CPXM2: variants seen among roughly 807,000 people sequenced by gnomAD.
CPXM2 encodes carboxypeptidase X, M14 family member 2.
CPXM2 carries 66 observed loss-of-function variants against 86.1 expected under a neutral mutation model. The ratio of observed to expected loss-of-function variants is 0.77; its 90% CI spans 0.63 to 0.94. The LOEUF (loss-of-function observed/expected upper bound fraction) is 0.94. Ranked by LOEUF, CPXM2 falls within the 40% of genes least tolerant of loss-of-function variation. The pLI is 0.00. For missense variants in CPXM2, 948 were observed against 1,026.3 expected (o/e 0.92, Z 1.04); for synonymous variants, 388 against 400.2 (o/e 0.97, Z 0.36).
At chr10:123,913,929 A>G (rs566817663) in intron 2 of CPXM2, 1 of 455,882 alleles carries the variant, frequency 2.2e-6, no homozygotes, top group African/African-American at 2.0e-5. Flanking sequence ...TATGCAATAC[A>G]TAATTCCCAG....
At chr10:123,898,231 T>C (rs1334758918) in intron 2 of CPXM2, among the ~76,000 whole-genome samples, 1 of 152,034 alleles carries the variant, frequency 6.6e-6, no homozygotes, top group Non-Finnish European at 1.5e-5. Context: ...GACACAAAAA[T>C]AGAGAACCTG....
chr10:123,754,415 T>G lies in CPXM2; in HGVS notation c.2017+248A>C, dbSNP rs1322754863. 6.6e-6 allele frequency among the ~76,000 whole-genome samples: 1 copy of G among 152,214 alleles called. No individual in the cohort carries two copies. The highest frequency in any genetic ancestry group is 2.4e-5 in the African/African-American group (1 of 41,450). On this transcript the variant is annotated intron_variant, in intron 13 of 13. Coordinates refer to ENST00000241305, the MANE Select transcript of CPXM2 (RefSeq NM_198148.3). This position sits in a 1 kb window ranked among gnomAD's most constrained non-coding sequence, Gnocchi z 4.0. ...TCCTCAACTCCTTAGAAACTTCCAC[T>G]GTGCCTGGAGGCCAGCTGGTGGCTG...
intron 7 of CPXM2, among the ~76,000 whole-genome samples, chr10:123,779,535 T>G (rs1040238782): frequency 6.6e-6 from 1 of 152,250 alleles, no homozygotes; most frequent in African/African-American, 2.4e-5. Context: ...TTTAAAAATC[T>G]GGATCCCCAG....
intron 2 of CPXM2, among the ~76,000 whole-genome samples, chr10:123,922,429 G>A: frequency 6.6e-6 from 1 of 152,102 alleles, no homozygotes; most frequent in Admixed American, 6.5e-5. Flanking sequence ...ATGCAATTTT[G>A]CCCTTCTAAA....
At chr10:123,806,665 T>C (rs898575545) in intron 4 of CPXM2, among the ~76,000 whole-genome samples, 1 of 152,112 alleles carries the variant, frequency 6.6e-6, no homozygotes, top group African/African-American at 2.4e-5. Context: ...CAGTTCTGCA[T>C]GGCTGGGGAG....
Position 123,934,762 on chromosome 10 carries a change from G to A in CPXM2, n.174+4715C>T, listed in dbSNP as rs112032012. 5.0e-3 allele frequency among the ~76,000 whole-genome samples: 768 copies of A among 152,238 alleles called. 3 individuals are homozygous for A. The highest frequency in any genetic ancestry group is 7.8e-3 in the Admixed American group (119 of 15,294). ...GCCCCACCCACGTAGAGGGTGTGCA[G>A]GGCCCTTTCTCCCCACCCATTTCCT... On this transcript the variant is annotated intron_variant and non_coding_transcript_variant, in intron 2 of 19. Transcript: ENST00000368854.
intron 9 of CPXM2, 149 bp downstream of exon 9, chr10:123,768,377 A>AAATC (rs1846538592): frequency 1.8e-4 from 2 of 11,308 alleles, no homozygotes; most frequent in East Asian, 3.2e-3. Flanking sequence ...CCGACTCAAA[A>AAATC]AATAAATAAA....
At chr10:123,839,935 C>CT (rs1564792566) in intron 4 of CPXM2, among the ~76,000 whole-genome samples, 1 of 152,216 alleles carries the variant, frequency 6.6e-6, no homozygotes, top group African/African-American at 2.4e-5. Flanking sequence ...TGCCTTCCCT[C>CT]TGAGATGTTC....
At chr10:123,816,677 T>C (rs2134103592) in intron 4 of CPXM2, among the ~76,000 whole-genome samples, 1 of 152,378 alleles carries the variant, frequency 6.6e-6, no homozygotes, top group East Asian at 1.9e-4. Context: ...ACTTGGCAAA[T>C]GCCTTTTTCT....
At chr10:123,768,162 C>T (rs1426554215) in intron 9 of CPXM2, among the ~76,000 whole-genome samples, 4 of 152,020 alleles carry the variant, frequency 2.6e-5, no homozygotes, top group Non-Finnish European at 5.9e-5. Context: ...CCAAGGCTGG[C>T]GGATTACCTT....
At chr10:123,917,430 G>A (rs549476134) in intron 2 of CPXM2, among the ~76,000 whole-genome samples, 1 of 152,236 alleles carries the variant, frequency 6.6e-6, no homozygotes, top group African/African-American at 2.4e-5. Context: ...GTTGGAGAGA[G>A]CCTGCGGACA....
intron 4 of CPXM2, among the ~76,000 whole-genome samples, chr10:123,819,493 G>A (rs1847882542): frequency 6.6e-6 from 1 of 152,184 alleles, no homozygotes; most frequent in Admixed American, 6.5e-5. Context: ...ATTATCATGA[G>A]TATTTCCTCC....
At position 123,850,745 on chromosome 10, in the gene CPXM2, A is replaced by C. The variant is rs569545374; in HGVS notation, c.514-8257T>G. ...TCAACTTAATTTTAAAAAGAAAGAA[A>C]ATCGTATGCTGACGCTGCTAAGATC... On this transcript the variant is annotated intron_variant, in intron 3 of 13. Coordinates refer to ENST00000241305, the MANE Select transcript of CPXM2 (RefSeq NM_198148.3). 6.6e-5 allele frequency among the ~76,000 whole-genome samples: 10 copies of C among 152,332 alleles called. No homozygotes were observed. In the South Asian group the frequency reaches 2.1e-3, roughly 32 times the overall value.
intron 4 of CPXM2, among the ~76,000 whole-genome samples, chr10:123,827,014 G>A (rs1356991682): frequency 1.3e-5 from 2 of 152,050 alleles, no homozygotes; most frequent in African/African-American, 2.4e-5. Context: ...TAATTAATAA[G>A]GTAAATCTAA....
At chr10:123,830,000 A>G (rs1487795067) in intron 4 of CPXM2, among the ~76,000 whole-genome samples, 1 of 152,138 alleles carries the variant, frequency 6.6e-6, no homozygotes, top group Non-Finnish European at 1.5e-5. Flanking sequence ...ACACCAAAAT[A>G]AATTCCAGAT....
chr10:123,832,984 T>C (rs1848198116), intron 4 of CPXM2, among the ~76,000 whole-genome samples: 1 of 152,064 alleles, frequency 6.6e-6, no homozygotes, highest in Non-Finnish European at 1.5e-5. Flanking sequence ...CTCTGGAGGA[T>C]GCAGCAACAA....
At chr10:123,859,257 G>C (rs995557716) in intron 3 of CPXM2, among the ~76,000 whole-genome samples, 1 of 152,196 alleles carries the variant, frequency 6.6e-6, no homozygotes, top group Non-Finnish European at 1.5e-5. Flanking sequence ...GACAAGATGT[G>C]GTTATTTTTA....
intron 2 of CPXM2, among the ~76,000 whole-genome samples, chr10:123,869,643 G>A (rs944663569): frequency 1.3e-5 from 2 of 152,164 alleles, no homozygotes; most frequent in Non-Finnish European, 2.9e-5. Flanking sequence ...CTCGGGAGGC[G>A]AGCATGGCGT....
chr10:123,775,601 G>A (rs769447364), intron 7 of CPXM2, among the ~76,000 whole-genome samples: 2 of 152,220 alleles, frequency 1.3e-5, no homozygotes, highest in Non-Finnish European at 2.9e-5. Flanking sequence ...CCATCAGAAT[G>A]ACCTCCTGAT....
Sources: gnomAD v4.1 joint callset for allele counts (sites outside exome capture counted in the v4.1 genomes callset) on GRCh38, gnomAD v4.1.1 for gene constraint, Gnocchi (gnomAD v3.1) non-coding constraint, MANE v1.5 for transcripts, NCBI Gene and HGNC (gene_info 2026-07-23, HGNC 2026-07-21) for gene names.